RBMS3: variants seen among roughly 807,000 people sequenced by gnomAD.
The protein encoded by RBMS3 is RNA-binding motif, single-stranded-interacting protein 3.
In RBMS3, 27 loss-of-function variants were observed where a neutral mutation model predicts 66.8. The ratio of observed to expected loss-of-function variants is 0.40; its 90% confidence interval spans 0.30 to 0.56. RBMS3 has a LOEUF of 0.56. Among genes scored for constraint, RBMS3 ranks in the 20% least tolerant of loss-of-function variants. The pLI, the probability that RBMS3 is intolerant of heterozygous loss-of-function variation, is 0.40. For synonymous variants in RBMS3, 188 were observed against 183.0 expected, an observed-to-expected ratio of 1.03 and a Z score of -0.22; for missense variants, 513 against 549.5, an observed-to-expected ratio of 0.93 and a Z score of 0.66.
chr3:29,284,157 T>C (rs2125409929), intron 1 of RBMS3, among the ~76,000 whole-genome samples: 1 of 152,308 alleles, frequency 6.6e-6, no homozygotes. Context: ...ATCCACTCTT[T>C]GTAGCCTTGG....
intron 4 of RBMS3, among the ~76,000 whole-genome samples, chr3:29,674,930 G>C (rs1470188581): frequency 2.6e-5 from 4 of 152,124 alleles, no homozygotes; most frequent in Non-Finnish European, 5.9e-5. Context: ...AACCAAAAAA[G>C]AGCCTGCATT....
At chr3:29,457,865 A>G (rs188372357) in intron 2 of RBMS3, among the ~76,000 whole-genome samples, 13 of 151,132 alleles carry the variant, frequency 8.6e-5, no homozygotes, top group African/African-American at 3.2e-4. Context: ...CCTCACCTCA[A>G]ATAACTATGA....
chr3:29,911,762 G>GA (rs566765259), intron 10 of RBMS3, among the ~76,000 whole-genome samples: 1 of 151,910 alleles, frequency 6.6e-6, no homozygotes. Context: ...GAGATTCTAA[G>GA]AAAAAATACC....
chr3:29,677,525 AT>A (rs2051306678), intron 4 of RBMS3, among the ~76,000 whole-genome samples: 1 of 151,704 alleles, frequency 6.6e-6, no homozygotes, highest in Admixed American at 6.6e-5. Flanking sequence ...GTTTGGTGTT[AT>A]TTTTTTGAAA....
intron 2 of RBMS3, among the ~76,000 whole-genome samples, chr3:29,443,430 AC>A (rs2041701372): frequency 6.6e-6 from 1 of 152,086 alleles, no homozygotes; most frequent in Admixed American, 6.5e-5. Context: ...TAATTAAAAA[AC>A]ATTAGAATAT....
At chr3:29,645,067 G>T (rs573413078) in intron 4 of RBMS3, among the ~76,000 whole-genome samples, 101 of 152,248 alleles carry the variant, frequency 6.6e-4, no homozygotes, top group Non-Finnish European at 1.3e-3. Flanking sequence ...ATCTATTAGG[G>T]TATCATTGTC....
At chr3:29,366,667 AC>A (rs2037926277) in intron 1 of RBMS3, among the ~76,000 whole-genome samples, 2 of 152,094 alleles carry the variant, frequency 1.3e-5, no homozygotes, top group African/African-American at 2.4e-5. Flanking sequence ...GAGCCACCAC[AC>A]CTGGCGATAT....
At chr3:29,875,751 A>T (rs2059597761) in intron 7 of RBMS3, among the ~76,000 whole-genome samples, 1 of 152,200 alleles carries the variant, frequency 6.6e-6, no homozygotes, top group Middle Eastern at 3.4e-3. Flanking sequence ...AGATCTTTAG[A>T]TAGCTATATT....
At chr3:29,299,299 G>A (rs2033508932) in intron 1 of RBMS3, among the ~76,000 whole-genome samples, 1 of 151,888 alleles carries the variant, frequency 6.6e-6, no homozygotes, top group African/African-American at 2.4e-5. Context: ...CATCAGAGAG[G>A]CACAAGGTTA....
chr3:29,446,906 C>CTTTTT lies in RBMS3; in HGVS notation c.248+12011_248+12015dup, dbSNP rs11293530. On this transcript the variant is annotated intron_variant, in intron 2 of 14. Coordinates refer to ENST00000383767, the MANE Select transcript of RBMS3 (RefSeq NM_001003793.3). ...TTCTTCAATGCTTCCATTAAGCAGT[C>CTTTTT]TTTTTTTTTTTTTTTTTTTTTTTTG... 6.1e-4 allele frequency among the ~76,000 whole-genome samples: 42 copies of CTTTTT among 68,606 alleles called. 1 individual carries two copies. Among genetic ancestry groups the CTTTTT allele is most frequent in the South Asian group, 8.0e-4 (1 of 1,244 alleles). The allele number at this position is 68,606 out of a possible 152,430, so 45.0% of individuals were successfully genotyped here. A position where few individuals can be genotyped will look rare whatever the true frequency, so the allele number is the denominator to read the frequency against.
chr3:29,894,997 G>A (rs1159679475), intron 8 of RBMS3, among the ~76,000 whole-genome samples: 2 of 151,468 alleles, frequency 1.3e-5, no homozygotes, highest in Admixed American at 6.6e-5. Flanking sequence ...ATGGAGAAAG[G>A]GTTAAGAAAA....
chr3:29,369,706 A>G (rs111758032), intron 1 of RBMS3, among the ~76,000 whole-genome samples: 400 of 15,468 alleles, frequency 0.026, 1 homozygote, highest in Non-Finnish European at 0.045. Flanking sequence ...AAGGGACAAA[A>G]AGAGACAGAA....
intron 3 of RBMS3, among the ~76,000 whole-genome samples, chr3:29,534,659 C>T (rs1467133436): frequency 1.3e-5 from 2 of 152,076 alleles, no homozygotes; most frequent in African/African-American, 4.8e-5. Flanking sequence ...CCTTTTGGAT[C>T]ATGAAGATAT....
intron 1 of RBMS3, among the ~76,000 whole-genome samples, chr3:29,320,619 G>T (rs2034952105): frequency 6.6e-6 from 1 of 151,978 alleles, no homozygotes; most frequent in Non-Finnish European, 1.5e-5. Context: ...GGAAGGATTT[G>T]CTAGCAGATT....
chr3:29,421,832 A>G (rs1031526911), intron 1 of RBMS3, among the ~76,000 whole-genome samples: 1 of 152,212 alleles, frequency 6.6e-6, no homozygotes, highest in Non-Finnish European at 1.5e-5. Flanking sequence ...TCTGACAAGC[A>G]TCAATGGACT....
At chr3:29,492,409 G>A (rs2043583543) in intron 3 of RBMS3, among the ~76,000 whole-genome samples, 1 of 152,104 alleles carries the variant, frequency 6.6e-6, no homozygotes, top group South Asian at 2.1e-4. Flanking sequence ...AAAGATATGA[G>A]GTCATGGAAA....
intron 3 of RBMS3, among the ~76,000 whole-genome samples, chr3:29,534,623 T>C (rs557234008): frequency 6.6e-6 from 1 of 152,352 alleles, no homozygotes; most frequent in African/African-American, 2.4e-5. Context: ...ATTTTAGATT[T>C]ATAGATTTTG....
intron 1 of RBMS3, among the ~76,000 whole-genome samples, chr3:29,319,440 A>C (rs1299108310): frequency 6.6e-6 from 1 of 151,980 alleles, no homozygotes; most frequent in Non-Finnish European, 1.5e-5. Flanking sequence ...TCTTGTGAGC[A>C]ACTTCCCCTT....
intron 6 of RBMS3, among the ~76,000 whole-genome samples, chr3:29,843,553 C>CA (rs2058711283): frequency 6.6e-6 from 1 of 152,132 alleles, no homozygotes; most frequent in East Asian, 1.9e-4. Flanking sequence ...CTATGACATA[C>CA]AAAAAATGTA....
Sources: gnomAD v4.1 joint callset for allele counts (sites outside exome capture counted in the v4.1 genomes callset) on GRCh38, gnomAD v4.1.1 for gene constraint, MANE v1.5 for transcripts, NCBI Gene and HGNC (gene_info 2026-07-23, HGNC 2026-07-21) for gene names.